Variants in MAP2K1 observed in about 807,000 individuals in gnomAD.
MAP2K1 encodes mitogen-activated protein kinase kinase 1.
A neutral mutation model predicts 46.3 loss-of-function variants in MAP2K1; 16 were observed. The ratio of observed to expected loss-of-function variants is 0.35; its 90% CI spans 0.23 to 0.52. The LOEUF (loss-of-function observed/expected upper bound fraction) is 0.52. Ranked by LOEUF, MAP2K1 falls within the 20% of genes least tolerant of loss-of-function variation. MAP2K1 has a pLI of 0.94. For missense variants in MAP2K1, 263 were observed against 497.1 expected, an observed-to-expected ratio of 0.53 and a Z score of 4.48; for synonymous variants, 183 against 185.6, an observed-to-expected ratio of 0.99 and a Z score of 0.11.
intron 5 of MAP2K1, among the ~76,000 whole-genome samples, chr15:66,479,504 G>A (rs79937196): frequency 0.019 from 2,869 of 152,272 alleles, 46 homozygotes; most frequent in South Asian, 0.057. Flanking sequence ...GACGAGGGTC[G>A]CAGAGGGGTT....
At chr15:66,411,803 T>A (rs1165425247) in intron 1 of MAP2K1, among the ~76,000 whole-genome samples, 2 of 152,234 alleles carry the variant, frequency 1.3e-5, no homozygotes, top group Non-Finnish European at 2.9e-5. Flanking sequence ...CTCTTTAATG[T>A]GTTTACCTAT....
intron 6 of MAP2K1, among the ~76,000 whole-genome samples, chr15:66,483,030 G>C (rs1359274402): frequency 6.6e-6 from 1 of 152,172 alleles, no homozygotes; most frequent in Non-Finnish European, 1.5e-5. Context: ...AAAGATTATT[G>C]TTCCCATTTT....
intron 1 of MAP2K1, among the ~76,000 whole-genome samples, chr15:66,393,425 C>T (rs985235551): frequency 7.2e-5 from 11 of 152,126 alleles, no homozygotes; most frequent in African/African-American, 2.4e-4. Flanking sequence ...ATCTGCCCTC[C>T]TTGGCCTCCC....
chr15:66,429,235 G>A lies in MAP2K1; in HGVS notation c.81-5792G>A, dbSNP rs115570803. On this transcript the variant is annotated intron_variant, in intron 1 of 10. Coordinates refer to ENST00000307102, the MANE Select transcript of MAP2K1 (RefSeq NM_002755.4). ...GAGGCCTCAGTAAACATACACTCACGGCATAAGGCAAAGGGGAAGCAAGGA... is the reference window on the plus strand; with the variant it reads ...GAGGCCTCAGTAAACATACACTCACAGCATAAGGCAAAGGGGAAGCAAGGA... 2.1e-3 allele frequency among the ~76,000 whole-genome samples: 319 copies of A among 152,210 alleles called. 1 individual carries two copies. The highest frequency in any genetic ancestry group is 7.2e-3 in the African/African-American group (299 of 41,530).
chr15:66,427,896 C>T (rs2140566382), intron 1 of MAP2K1, among the ~76,000 whole-genome samples: 1 of 152,184 alleles, frequency 6.6e-6, no homozygotes, highest in East Asian at 1.9e-4. Flanking sequence ...CACCCATAAA[C>T]CCAGCTACTT....
rs2093372320 is a variant in MAP2K1, at chr15:66,398,029, G to A, written c.80+10602G>A. 2.0e-5 allele frequency among the ~76,000 whole-genome samples: 3 copies of A among 152,048 alleles called. No homozygotes were observed. In the South Asian group the frequency reaches 6.2e-4, roughly 32 times the overall value. On this transcript the variant is annotated intron_variant, in intron 1 of 10. Transcript: ENST00000307102. ...AGGTGGGAGAATTGCTTAAATCCAG[G>A]AGGCGGAGGTTGCAGTGAGCCAAGA...
intron 1 of MAP2K1, among the ~76,000 whole-genome samples, chr15:66,403,576 C>T (rs747880388): frequency 6.6e-6 from 1 of 152,032 alleles, no homozygotes; most frequent in Non-Finnish European, 1.5e-5. Context: ...TTCAGAATCT[C>T]GAATGCTCTT....
chr15:66,484,040 G>A (rs570719489), intron 6 of MAP2K1, among the ~76,000 whole-genome samples: 3 of 152,068 alleles, frequency 2.0e-5, no homozygotes, highest in Admixed American at 6.5e-5. Context: ...GAGCCACCGC[G>A]CCTGGCTGTA....
At chr15:66,422,741 T>G (rs922584550) in intron 1 of MAP2K1, among the ~76,000 whole-genome samples, 13 of 152,104 alleles carry the variant, frequency 8.5e-5, no homozygotes, top group Admixed American at 8.5e-4. Flanking sequence ...TGCCCTGTGT[T>G]TTTTCGATCT....
intron 1 of MAP2K1, among the ~76,000 whole-genome samples, chr15:66,405,484 G>A (rs935460532): frequency 2.6e-5 from 4 of 152,190 alleles, no homozygotes; most frequent in Non-Finnish European, 4.4e-5. Context: ...ATTCAGTTTT[G>A]CCCCTTTATT....
intron 1 of MAP2K1, among the ~76,000 whole-genome samples, chr15:66,408,503 G>A (rs1308514794): frequency 6.6e-6 from 1 of 152,102 alleles, no homozygotes; most frequent in African/African-American, 2.4e-5. Context: ...CTTCTCCCAA[G>A]AGTTTAAGGA....
chr15:66,426,208 T>C (rs2140563913), intron 1 of MAP2K1, among the ~76,000 whole-genome samples: 1 of 150,844 alleles, frequency 6.6e-6, no homozygotes, highest in East Asian at 1.9e-4. Flanking sequence ...GAATGGCTGC[T>C]CCATAGGCAG....
chr15:66,420,754 T>C lies in MAP2K1; in HGVS notation c.81-14273T>C, dbSNP rs1373216146. Among the ~76,000 whole-genome samples the C allele has an allele frequency of 3.8e-5, 2 of 52,586 alleles. 1 individual carries two copies. Among genetic ancestry groups the C allele is most frequent in the Non-Finnish European group, 9.1e-5 (2 of 21,962 alleles). 34.5% of individuals were successfully genotyped at this position (52,586 alleles called of 152,430 possible). ...GTGTGTGTGTGTGTGTGTGTGTGTG[T>C]GTGTGTATGTGTGTATATATATGTG... is the stretch of plus-strand genomic sequence containing the variant. On this transcript the variant is annotated intron_variant, in intron 1 of 10. Coordinates refer to ENST00000307102, the MANE Select transcript of MAP2K1 (RefSeq NM_002755.4).
chr15:66,457,130 A>G (rs1892185152), intron 5 of MAP2K1, among the ~76,000 whole-genome samples: 1 of 151,668 alleles, frequency 6.6e-6, no homozygotes, highest in Non-Finnish European at 1.5e-5. Context: ...TATTATTTTT[A>G]TTTTTTGAGA....
At chr15:66,489,598 T>C (rs1893171157) in intron 9 of MAP2K1, 120 bp from the exon 10 acceptor site, 1 of 829,026 alleles carries the variant, frequency 1.2e-6, no homozygotes, top group East Asian at 2.4e-5. Context: ...AACAGGAGGA[T>C]GAATCAAGCC....
At chr15:66,442,256 C>T (rs962975628) in intron 3 of MAP2K1, among the ~76,000 whole-genome samples, 4 of 152,168 alleles carry the variant, frequency 2.6e-5, no homozygotes, top group Admixed American at 6.5e-5. Flanking sequence ...AGTCAAGTCC[C>T]GGTTCCTTGG....
chr15:66,449,879 AAAATCCTCAAT>A (rs1891990199), intron 5 of MAP2K1, among the ~76,000 whole-genome samples: 2 of 151,952 alleles, frequency 1.3e-5, no homozygotes, highest in Non-Finnish European at 2.9e-5. Context: ...AAAACTGTCA[AAAATCCTCAAT>A]AAAATACTGG....
intron 7 of MAP2K1, among the ~76,000 whole-genome samples, chr15:66,486,018 C>T (rs1204788833): frequency 6.6e-6 from 1 of 152,178 alleles, no homozygotes; most frequent in Admixed American, 6.5e-5. Flanking sequence ...CCTGCCTCAG[C>T]CTCCTGAGTA....
In MAP2K1 at chr15:66,413,837, C is replaced by T. The variant is rs377733476; in HGVS notation, c.81-21190C>T. Among the ~76,000 whole-genome samples, 3 of 152,028 alleles carry T rather than the reference C, an allele frequency of 2.0e-5. No individual in the cohort carries two copies. The East Asian group carries it at 5.8e-4, about 29-fold the overall frequency. ...TGTCTTGAGGAGTGAAGGACTGTAT[C>T]CCCAAAGCAGGGATCTGGGCCTGTC... On this transcript the variant is annotated intron_variant, in intron 1 of 10. Coordinates refer to ENST00000307102, the MANE Select transcript of MAP2K1 (RefSeq NM_002755.4).
Sources: allele counts gnomAD v4.1 joint callset (sites outside exome capture counted in the v4.1 genomes callset), GRCh38; gene constraint gnomAD v4.1.1; transcripts MANE v1.5; gene names NCBI Gene and HGNC (gene_info 2026-07-23, HGNC 2026-07-21).